TEK: variants seen among roughly 807,000 people sequenced by gnomAD.
The protein encoded by TEK is angiopoietin-1 receptor.
Under a neutral mutation model 131.8 loss-of-function variants are expected in TEK, and 43 were observed. The observed-to-expected ratio is 0.33, with a 90% CI of 0.26 to 0.42. The LOEUF (loss-of-function observed/expected upper bound fraction) is 0.42. Ranked by LOEUF, TEK falls within the 10% of genes least tolerant of loss-of-function variation. The probability of loss-of-function intolerance (pLI) is 1.00; values close to 1 mark genes in which losing one functional copy is unlikely to be tolerated. For synonymous variants in TEK, 580 were observed against 491.6 expected (o/e 1.18, Z -2.38); for missense variants, 1,162 against 1,384.4 (o/e 0.84, Z 2.55).
intron 2 of TEK, among the ~76,000 whole-genome samples, chr9:27,159,366 C>G (rs2131123149): frequency 6.6e-6 from 1 of 152,234 alleles, no homozygotes; most frequent in East Asian, 1.9e-4. Flanking sequence ...TTTTATCAAC[C>G]TAAGCCAGTT....
intron 11 of TEK, among the ~76,000 whole-genome samples, chr9:27,193,754 T>C (rs138199709): frequency 1.3e-5 from 2 of 152,308 alleles, no homozygotes; most frequent in Admixed American, 6.5e-5. Flanking sequence ...AAGTAGAGAC[T>C]CAGAGTACTT....
Position 27,172,731 on chromosome 9 carries a change from A to T in TEK, c.744A>T (p.Gly248=). The T allele has an allele frequency of 6.2e-7, 1 of 1,613,590 alleles. No individual in the cohort carries two copies. Among genetic ancestry groups the T allele is most frequent in the Non-Finnish European group, 8.5e-7 (1 of 1,179,618 alleles). Reference sequence around the variant, plus strand: ...GCATTTGCCCTCCTGGGTTTATGGGAAGGACGTGTGAGAAGGGTAAGTAAA... The same window carrying T: ...GCATTTGCCCTCCTGGGTTTATGGGTAGGACGTGTGAGAAGGGTAAGTAAA... ...GECICPPGFM[G]RTCEKACELH... Residue 248 remains glycine, a synonymous_variant, in exon 5 of 23, where the codon GGA becomes GGT. Coordinates refer to ENST00000380036, the MANE Select transcript of TEK (RefSeq NM_000459.5).
At chr9:27,222,629 G>A (rs1330428013) in intron 21 of TEK, among the ~76,000 whole-genome samples, 2 of 152,076 alleles carry the variant, frequency 1.3e-5, no homozygotes, top group East Asian at 3.9e-4. Context: ...CATAACTGAA[G>A]GAGAAATAAA....
At chr9:27,223,903 G>C (rs1826192756) in intron 21 of TEK, among the ~76,000 whole-genome samples, 2 of 152,082 alleles carry the variant, frequency 1.3e-5, no homozygotes, top group African/African-American at 2.4e-5. Context: ...CAATCAAATA[G>C]ATGCAACAAA....
At chr9:27,164,541 G>A (rs1015616001) in intron 2 of TEK, among the ~76,000 whole-genome samples, 5 of 152,010 alleles carry the variant, frequency 3.3e-5, no homozygotes, top group Admixed American at 6.6e-5. Context: ...GGATGATGTC[G>A]ATCTCCTGAC....
intron 13 of TEK, among the ~76,000 whole-genome samples, chr9:27,203,687 A>G (rs1490236673): frequency 6.6e-6 from 1 of 152,210 alleles, no homozygotes; most frequent in Admixed American, 6.5e-5. Context: ...TAAGTGAACA[A>G]GGGTCCCATG....
At chr9:27,110,378 G>T (rs1821291201) in intron 1 of TEK, among the ~76,000 whole-genome samples, 1 of 152,130 alleles carries the variant, frequency 6.6e-6, no homozygotes, top group East Asian at 1.9e-4. Context: ...AGTGTGTTGG[G>T]TTCAGCGTGT....
intron 21 of TEK, among the ~76,000 whole-genome samples, chr9:27,223,063 A>G (rs1334003756): frequency 1.3e-5 from 2 of 152,208 alleles, no homozygotes; most frequent in African/African-American, 2.4e-5. Flanking sequence ...ATGCACCAAG[A>G]ACAGCTAACT....
intron 4 of TEK, among the ~76,000 whole-genome samples, chr9:27,172,069 C>A (rs745802051): frequency 1.6e-4 from 25 of 152,214 alleles, no homozygotes; most frequent in Admixed American, 6.5e-4. Flanking sequence ...GAACACAACA[C>A]TTCTGACACC....
chr9:27,109,430 C>T lies in TEK; in HGVS notation c.-161C>T. 3 of 746,638 alleles carry T rather than the reference C, an allele frequency of 4.0e-6. No individual in the cohort carries two copies. Among genetic ancestry groups the T allele is most frequent in the South Asian group, 1.6e-5 (1 of 64,128 alleles). The allele number at this position is 746,638 out of a possible 1,614,324, so 46.3% of individuals were successfully genotyped here. A position where few individuals can be genotyped will look rare whatever the true frequency, so the allele number is the denominator to read the frequency against. ...TCCCTGTGCTCAGACAGAAATGAGA[C>T]TGTTACAGCCTGCTTCTGTGCTGTT... On this transcript the variant is annotated 5_prime_UTR_variant, in exon 1 of 23. Transcript: ENST00000380036.
At chr9:27,184,056 G>A (rs894221567) in intron 8 of TEK, among the ~76,000 whole-genome samples, 3 of 152,106 alleles carry the variant, frequency 2.0e-5, no homozygotes, top group Non-Finnish European at 4.4e-5. Flanking sequence ...TTTGATGACC[G>A]GTCCACTCCT....
intron 1 of TEK, among the ~76,000 whole-genome samples, chr9:27,154,195 C>A (rs1009681394): frequency 9.9e-5 from 15 of 151,716 alleles, no homozygotes; most frequent in Non-Finnish European, 1.5e-4. Context: ...ACTTTAAGTT[C>A]TTGGATACAT....
intron 1 of TEK, among the ~76,000 whole-genome samples, chr9:27,111,504 C>G (rs1238498539): frequency 4.1e-5 from 6 of 147,090 alleles, no homozygotes; most frequent in Non-Finnish European, 6.0e-5. Flanking sequence ...TGGGTTGTTT[C>G]TTGTTTCTTT....
intron 1 of TEK, among the ~76,000 whole-genome samples, chr9:27,146,718 C>CTT (rs1423361120): frequency 0.015 from 1,930 of 129,052 alleles, 41 homozygotes; most frequent in African/African-American, 0.055. Context: ...TATAAACATT[C>CTT]TATTTTTTTT....
At chr9:27,117,330 T>C (rs186005719) in intron 1 of TEK, among the ~76,000 whole-genome samples, 19 of 152,310 alleles carry the variant, frequency 1.2e-4, no homozygotes, top group Admixed American at 1.1e-3. Context: ...CACTCCTGGC[T>C]TTCAGGAAAG....
chr9:27,202,896 G>A lies in TEK; in HGVS notation c.1986G>A (p.Leu662=). 1 of 1,614,040 alleles carries A rather than the reference G, an allele frequency of 6.2e-7. No homozygotes were observed. Among genetic ancestry groups the A allele is most frequent in the Non-Finnish European group, 8.5e-7 (1 of 1,179,976 alleles). Residue 662 remains leucine (L), a synonymous_variant, in exon 13 of 23, where the codon TTG becomes TTA. Transcript: ENST00000380036. Reference sequence around the variant, plus strand: ...CAGCTGTGATTTCTTGGACAATATTGGATGGCTATTCTATTTCTTCTATTA... The same window carrying A: ...CAGCTGTGATTTCTTGGACAATATTAGATGGCTATTCTATTTCTTCTATTA... ...HSSAVISWTI[L]DGYSISSITI...
intron 1 of TEK, 83 bp downstream of exon 1, chr9:27,109,725 C>G: frequency 7.2e-7 from 1 of 1,397,004 alleles, no homozygotes; most frequent in Non-Finnish European, 1.0e-6. Flanking sequence ...CAAATCTCAT[C>G]AGTGCTGATG....
intron 1 of TEK, among the ~76,000 whole-genome samples, chr9:27,123,000 C>T (rs1020388383): frequency 1.5e-5 from 2 of 132,586 alleles, no homozygotes; most frequent in African/African-American, 5.7e-5. Context: ...TTGCAGTGAG[C>T]CGAGATGGCG....
chr9:27,212,998 T>A, intron 17 of TEK, 101 bp downstream of exon 17: 1 of 1,290,248 alleles, frequency 7.8e-7, no homozygotes. Context: ...CTTCTTTAAC[T>A]CCTTCTTAAA....
Sources: gnomAD v4.1 joint callset for allele counts (sites outside exome capture counted in the v4.1 genomes callset) on GRCh38, gnomAD v4.1.1 for gene constraint, MANE v1.5 for transcripts, NCBI Gene and HGNC (gene_info 2026-07-23, HGNC 2026-07-21) for gene names.